Variants in ZNF622 observed in about 807,000 individuals in gnomAD.
The protein encoded by ZNF622 is cytoplasmic 60S subunit biogenesis factor ZNF622.
ZNF622 carries 34 observed loss-of-function variants against 49.7 expected under a neutral mutation model. That is an observed-to-expected ratio of 0.68 (90% confidence interval 0.52 to 0.91). ZNF622 has a LOEUF of 0.91. ZNF622 is among the 40% of genes least tolerant of loss of function. The pLI, the probability that ZNF622 is intolerant of heterozygous loss-of-function variation, is 0.00. For missense variants in ZNF622, 569 were observed against 616.4 expected (o/e 0.92, Z 0.81); for synonymous variants, 209 against 228.7 (o/e 0.91, Z 0.78).
intron 4 of ZNF622, among the ~76,000 whole-genome samples, chr5:16,453,873 G>T (rs982267595): frequency 6.6e-6 from 1 of 151,944 alleles, no homozygotes; most frequent in Non-Finnish European, 1.5e-5. Flanking sequence ...CCATAACAAA[G>T]AATTATTCAG....
chr5:16,452,743 T>C (rs1310042113), intron 5 of ZNF622, among the ~76,000 whole-genome samples: 2 of 152,222 alleles, frequency 1.3e-5, no homozygotes, highest in African/African-American at 2.4e-5. Flanking sequence ...CTTTGGTGAT[T>C]ACTAAATAAT....
chr5:16,457,451 T>G (rs2126491870), intron 4 of ZNF622, among the ~76,000 whole-genome samples: 1 of 152,360 alleles, frequency 6.6e-6, no homozygotes, highest in South Asian at 2.1e-4. Flanking sequence ...CACTGTGTAT[T>G]AGATAGGCCA....
rs185870558 is a variant in ZNF622 at position 16,463,251 on chromosome 5, G to T, written c.906C>A (p.Gly302=). 1 of 1,597,324 alleles carries T rather than the reference G, an allele frequency of 6.3e-7. No individual in the cohort carries two copies. Among genetic ancestry groups the T allele is most frequent in the Admixed American group, 1.8e-5 (1 of 54,706 alleles). ...TCTCGTTGCACCACAAGCAAATCTT[G>T]CCAACACCAACTTTCTCTCCTAGAA... ...IKYLGEKVGV[G]KICLWCNEKG... Residue 302 remains glycine, a synonymous_variant, in exon 3 of 6, where the codon GGC becomes GGA. Transcript: ENST00000308683. This position sits in a 1 kb window ranked among gnomAD's most constrained non-coding sequence, Gnocchi z 4.2.
At chr5:16,461,987 A>G (rs188889501) in intron 3 of ZNF622, among the ~76,000 whole-genome samples, 34 of 152,340 alleles carry the variant, frequency 2.2e-4, no homozygotes, top group African/African-American at 7.9e-4. Flanking sequence ...TGATTACAAC[A>G]TCAGTCAAAA....
At chr5:16,457,185 T>TAA (rs1031772041) in intron 4 of ZNF622, among the ~76,000 whole-genome samples, 9 of 152,186 alleles carry the variant, frequency 5.9e-5, no homozygotes, top group Non-Finnish European at 4.4e-5. Flanking sequence ...TATATTGTGC[T>TAA]AAAGTAGATG....
In ZNF622 at chr5:16,453,153, G is replaced by A; in HGVS notation, c.1166C>T (p.Ala389Val). 1 of 1,494,174 alleles carries A rather than the reference G, an allele frequency of 6.7e-7. No individual in the cohort carries two copies. The highest frequency in any genetic ancestry group is 1.3e-5 in the South Asian group (1 of 74,938). 92.6% of individuals were successfully genotyped at this position (1,494,174 alleles called of 1,614,324 possible). The change falls in exon 5 of 6, where the codon GCC (alanine) becomes GTC (valine). Residue 389 changes from alanine (A) to valine (V), a missense_variant. Transcript: ENST00000308683. ...CATCAAGGAGCGATGACCCACTCTG[G>A]CACCTGTTTTTCAAAAGAGCAATAC... ...ETMELILPSG[A>V]RVGHRSLMRY...
rs1738212992 is a variant in ZNF622 at position 16,465,768 on chromosome 5, G to A, written c.-103C>T. 37 of 1,440,934 alleles carry A rather than the reference G, an allele frequency of 2.6e-5. No individual in the cohort carries two copies. In the South Asian group the frequency reaches 5.1e-4, roughly 20 times the overall value. 89.3% of individuals were successfully genotyped at this position (1,440,934 alleles called of 1,614,324 possible). A position where few individuals can be genotyped will look rare whatever the true frequency, so the allele number is the denominator to read the frequency against. On this transcript the variant is annotated 5_prime_UTR_variant, in exon 1 of 6. Coordinates refer to ENST00000308683, the MANE Select transcript of ZNF622 (RefSeq NM_033414.3). The surrounding 1 kb of genome is among the most constrained non-coding windows in gnomAD (Gnocchi z 6.2). ...TAACCCGCCTCAGCAGCCAGGAAGAGCCACTCGACACGCCGACTTCCTGAT... is the reference window on the plus strand; with the variant it reads ...TAACCCGCCTCAGCAGCCAGGAAGAACCACTCGACACGCCGACTTCCTGAT...
chr5:16,453,257 T>C (rs1737963229), intron 4 of ZNF622, 101 bp from the exon 5 acceptor site: 4 of 1,199,294 alleles, frequency 3.3e-6, no homozygotes, highest in Non-Finnish European at 4.3e-6. Flanking sequence ...TTAGTATATC[T>C]AGATGGAAAA....
chr5:16,452,868 T>C lies in ZNF622; in HGVS notation c.1306+145A>G, dbSNP rs554999540. 20 of 787,494 alleles carry C rather than the reference T, an allele frequency of 2.5e-5. No individual in the cohort carries two copies. In the African/African-American group the frequency reaches 3.6e-4, roughly 14 times the overall value. 48.8% of individuals were successfully genotyped at this position (787,494 alleles called of 1,614,324 possible). A position where few individuals can be genotyped will look rare whatever the true frequency, so the allele number is the denominator to read the frequency against. On this transcript the variant is annotated intron_variant, in intron 5 of 5. Transcript: ENST00000308683. ...GGCTTATTGCCTTAAACATATCAAG[T>C]GGTAATGGAAGTCCCTGGAGCCAAG...
intron 3 of ZNF622, among the ~76,000 whole-genome samples, chr5:16,459,140 C>A (rs1233520269): frequency 6.6e-6 from 1 of 152,128 alleles, no homozygotes. Context: ...TATGGGTATA[C>A]CCAGTAATTA....
At chr5:16,455,355 C>T (rs1438086721) in intron 4 of ZNF622, among the ~76,000 whole-genome samples, 1 of 152,138 alleles carries the variant, frequency 6.6e-6, no homozygotes, top group African/African-American at 2.4e-5. Flanking sequence ...GTCCCTATAC[C>T]TGCCAAAATA....
intron 4 of ZNF622, among the ~76,000 whole-genome samples, chr5:16,455,768 C>T (rs1421775611): frequency 6.6e-6 from 1 of 152,222 alleles, no homozygotes; most frequent in Non-Finnish European, 1.5e-5. Context: ...ACACATCCTA[C>T]AGCACGTTGG....
chr5:16,463,236 C>G lies in ZNF622; in HGVS notation c.921G>C (p.Trp307Cys), dbSNP rs532871671. Residue 307 changes from tryptophan to cysteine, a missense_variant, in exon 3 of 6, where the codon TGG (tryptophan) becomes TGC (cysteine). Physicochemically the swap from Trp to Cys is radical, Grantham distance 215. Coordinates refer to ENST00000308683, the MANE Select transcript of ZNF622 (RefSeq NM_033414.3). The surrounding 1 kb of genome is among the most constrained non-coding windows in gnomAD (Gnocchi z 4.2). ...EKVGVGKICL[W>C]CNEKGKSFYS... is the part of the protein sequence containing the mutation. ...AGAAGGACTTCCCTTTCTCGTTGCA[C>G]CACAAGCAAATCTTGCCAACACCAA... The G allele has an allele frequency of 1.9e-6, 3 of 1,607,934 alleles. No homozygotes were observed.
intron 5 of ZNF622, 98 bp from the exon 6 acceptor site, chr5:16,451,882 G>A: frequency 6.9e-7 from 1 of 1,449,820 alleles, no homozygotes; most frequent in South Asian, 1.4e-5. Flanking sequence ...TTAGTTTGGG[G>A]TAACTAGGTT....
At chr5:16,460,163 T>C (rs1340233669) in intron 3 of ZNF622, among the ~76,000 whole-genome samples, 1 of 152,220 alleles carries the variant, frequency 6.6e-6, no homozygotes, top group Non-Finnish European at 1.5e-5. Context: ...CCTAATACAT[T>C]GTAAATGCTA....
Position 16,463,661 on chromosome 5 carries a change from T to C in ZNF622, c.707A>G (p.Glu236Gly). ...AMDDVVEQDA[E>G]EEEAEEGPPL... ...TGGGCCTTCCTCAGCCTCTTCCTCC[T>C]CTGCATCCTGCTCCACCACATCGTC... Residue 236 changes from glutamate (E) to glycine (G), a missense_variant, in exon 2 of 6, where the codon GAG becomes GGG. Physicochemically the swap from Glu to Gly is moderately conservative, Grantham distance 98. Coordinates refer to ENST00000308683, the MANE Select transcript of ZNF622 (RefSeq NM_033414.3). This position sits in a 1 kb window ranked among gnomAD's most constrained non-coding sequence, Gnocchi z 4.2. The C allele has an allele frequency of 6.2e-7, 1 of 1,614,260 alleles. No individual in the cohort carries two copies. The highest frequency in any genetic ancestry group is 8.5e-7 in the Non-Finnish European group (1 of 1,180,044).
intron 4 of ZNF622, among the ~76,000 whole-genome samples, chr5:16,456,496 A>G (rs1424356037): frequency 6.6e-6 from 1 of 152,210 alleles, no homozygotes; most frequent in Non-Finnish European, 1.5e-5. Context: ...AACTAGATTT[A>G]GTGTCCCAGC....
At position 16,463,325 on chromosome 5, in the gene ZNF622, A is replaced by C; in HGVS notation, c.887-55T>G. 1.3e-6 allele frequency: 2 copies of C among 1,554,736 alleles called. No homozygotes were observed. Among genetic ancestry groups the C allele is most frequent in the South Asian group, 2.5e-5 (2 of 81,196 alleles). ...AAAAAAGCTTTTTGCAACCAGATTA[A>C]ATCTCACTATTTGTCACCAAAACTC... On this transcript the variant is annotated intron_variant, in intron 2 of 5. Coordinates refer to ENST00000308683, the MANE Select transcript of ZNF622 (RefSeq NM_033414.3). The surrounding 1 kb of genome is among the most constrained non-coding windows in gnomAD (Gnocchi z 4.2).
chr5:16,457,964 T>C (rs1738056527), intron 4 of ZNF622, among the ~76,000 whole-genome samples: 1 of 152,196 alleles, frequency 6.6e-6, no homozygotes, highest in Non-Finnish European at 1.5e-5. Flanking sequence ...ATGTCTTCTG[T>C]AGCTTCTCCT....
Sources: gnomAD v4.1 joint callset for allele counts (sites outside exome capture counted in the v4.1 genomes callset) on GRCh38, gnomAD v4.1.1 for gene constraint, Gnocchi (gnomAD v3.1) non-coding constraint, MANE v1.5 for transcripts, NCBI Gene and HGNC (gene_info 2026-07-23, HGNC 2026-07-21) for gene names.